Variants in CLCA2 observed in about 807,000 individuals in gnomAD.
The protein encoded by CLCA2 is chloride channel accessory 2.
A neutral mutation model predicts 82.9 loss-of-function variants in CLCA2; 85 were observed. That is an observed-to-expected ratio of 1.03 (90% CI 0.86 to 1.23). CLCA2 has a LOEUF of 1.23. Among genes scored for constraint, CLCA2 ranks in the 50% most tolerant of loss-of-function variants. CLCA2 has a pLI of 0.00. For missense variants in CLCA2, 1,089 were observed against 1,124.8 expected, an observed-to-expected ratio of 0.97 and a Z score of 0.45; for synonymous variants, 421 against 391.7, an observed-to-expected ratio of 1.07 and a Z score of -0.88.
At chr1:86,438,043 T>C (rs1662649895) in intron 6 of CLCA2, among the ~76,000 whole-genome samples, 1 of 152,202 alleles carries the variant, frequency 6.6e-6, no homozygotes, top group African/African-American at 2.4e-5. Flanking sequence ...AGTTGCCATC[T>C]TCATGGTTGT....
intron 6 of CLCA2, among the ~76,000 whole-genome samples, chr1:86,437,802 T>C (rs1156616222): frequency 6.7e-6 from 1 of 149,370 alleles, no homozygotes; most frequent in Non-Finnish European, 1.5e-5. Context: ...GAGATCAAGA[T>C]TGGGAGTGAT....
chr1:86,434,620 G>T lies in CLCA2; in HGVS notation c.847G>T (p.Ala283Ser), dbSNP rs1161315518. ...TGCATGGGATGTAATCACAGACTCT[G>T]CTGACTTTCACCACAGCTTTCCCAT... is the stretch of plus-strand genomic sequence containing the variant. ...RSAWDVITDS[A>S]DFHHSFPMNG... is the part of the protein sequence containing the mutation. The change falls in exon 6 of 14, where the codon GCT becomes TCT. Residue 283 changes from alanine to serine, a missense_variant. By Grantham distance (99) the Ala-to-Ser change is moderately conservative. Coordinates refer to ENST00000370565, the MANE Select transcript of CLCA2 (RefSeq NM_006536.7). 1.2e-6 allele frequency: 2 copies of T among 1,614,082 alleles called. No homozygotes were observed. Among genetic ancestry groups the T allele is most frequent in the Non-Finnish European group, 1.7e-6 (2 of 1,179,984 alleles).
chr1:86,449,975 T>A (rs896866262), intron 11 of CLCA2, among the ~76,000 whole-genome samples: 1 of 152,120 alleles, frequency 6.6e-6, no homozygotes, highest in Non-Finnish European at 1.5e-5. Context: ...GCTACCAAAT[T>A]CTGTCAAACT....
rs1246890467 is a variant in CLCA2 at position 86,428,428 on chromosome 1, T to C, written c.335T>C (p.Ile112Thr). 5 of 1,600,140 alleles carry C rather than the reference T, an allele frequency of 3.1e-6. No homozygotes were observed. The highest frequency in any genetic ancestry group is 4.3e-6 in the Non-Finnish European group (5 of 1,173,832). Residue 112 changes from isoleucine (I) to threonine (T), a missense_variant, in exon 3 of 14, where the codon ATA becomes ACA. By Grantham distance (89) the Ile-to-Thr change is moderately conservative (BLOSUM62 -1). Transcript: ENST00000370565. ...TTTCTTTTAATTTAGGCAAATGTCA[T>C]AGTGACTGACTGGTATGGGGCACAT... is the stretch of plus-strand genomic sequence containing the variant. ...KQESYEKANV[I>T]VTDWYGAHGD...
chr1:86,448,086 T>A, intron 11 of CLCA2: 1 of 346,054 alleles, frequency 2.9e-6, no homozygotes, highest in Admixed American at 4.4e-5. Flanking sequence ...TATGTCCTTA[T>A]GACATACTTA....
At chr1:86,448,987 A>G (rs1266189647) in intron 11 of CLCA2, among the ~76,000 whole-genome samples, 1 of 152,228 alleles carries the variant, frequency 6.6e-6, no homozygotes, top group Non-Finnish European at 1.5e-5. Context: ...TGGCTTTTAT[A>G]TTATTCCTTG....
intron 8 of CLCA2, among the ~76,000 whole-genome samples, 179 bp from the exon 9 acceptor site, chr1:86,441,258 G>A (rs1052121361): frequency 6.6e-5 from 10 of 152,062 alleles, no homozygotes; most frequent in East Asian, 1.9e-4. Context: ...GAAACCACTC[G>A]CCTAGGGCCA....
rs373354990 is a variant in CLCA2, at chr1:86,450,571, G to A, written c.1993G>A (p.Val665Ile). 2 of 1,611,738 alleles carry A rather than the reference G, an allele frequency of 1.2e-6. No homozygotes were observed. Among genetic ancestry groups the A allele is most frequent in the East Asian group, 2.2e-5 (1 of 44,812 alleles). Residue 665 changes from valine (V) to isoleucine (I), a missense_variant, in exon 12 of 14, where the codon GTT becomes ATT. Transcript: ENST00000370565. Reference protein sequence around the residue: ...RLLDDGAGADVIKNDGIYSRY... With the variant: ...RLLDDGAGADIIKNDGIYSRY... The stretch of plus-strand genomic sequence containing the variant: ...GTTTTTTATATATACAGGTGCTGAT[G>A]TTATAAAAAATGATGGAATTTACTC...
intron 13 of CLCA2, among the ~76,000 whole-genome samples, 165 bp from the exon 14 acceptor site, chr1:86,454,920 G>T (rs1663043221): frequency 6.7e-6 from 1 of 149,874 alleles, no homozygotes; most frequent in Non-Finnish European, 1.5e-5. Flanking sequence ...ATTTTAATAT[G>T]AGTCCTTGTG....
intron 13 of CLCA2, 23 bp from the exon 14 acceptor site, chr1:86,455,062 C>T: frequency 7.4e-6 from 10 of 1,354,128 alleles, no homozygotes; most frequent in South Asian, 6.5e-5. Context: ...CTTAATTTTC[C>T]TATTTATATT....
At chr1:86,451,333 A>G (rs547232848) in intron 12 of CLCA2, among the ~76,000 whole-genome samples, 64 of 152,344 alleles carry the variant, frequency 4.2e-4, no homozygotes, top group African/African-American at 1.5e-3. Flanking sequence ...ATATCATGCT[A>G]CAGTCTTTGA....
chr1:86,425,327 G>A lies in CLCA2; in HGVS notation c.187-12G>A, dbSNP rs1486693286. On this transcript the variant is annotated splice_polypyrimidine_tract_variant and intron_variant, in intron 1 of 13. Coordinates refer to ENST00000370565, the MANE Select transcript of CLCA2 (RefSeq NM_006536.7). ...AAGTGGTAAAGTAAGTTTTTCTTTT[G>A]TCTGGCTGTAGGAAATGATAACTGA... 2 of 1,539,176 alleles carry A rather than the reference G, an allele frequency of 1.3e-6. No homozygotes were observed. The highest frequency in any genetic ancestry group is 2.6e-5 in the South Asian group (2 of 77,966).
At position 86,434,637 on chromosome 1, in the gene CLCA2, CTT is replaced by C. The variant is rs780107090; in HGVS notation, c.866_867del (p.Phe289SerfsTer6). Reference protein sequence around the residue: ...ITDSADFHHSFPMNGTELPPP... With the variant: ...ITDSADFHHSXPMNGTELPPP... ...CAGACTCTGCTGACTTTCACCACAGCTTTCCCATGAATGGGACTGAGCTTCCA... is the reference window on the plus strand; with the variant it reads ...CAGACTCTGCTGACTTTCACCACAGCTCCCATGAATGGGACTGAGCTTCCA... On this transcript the variant is annotated frameshift_variant, in exon 6 of 14. Coordinates refer to ENST00000370565, the MANE Select transcript of CLCA2 (RefSeq NM_006536.7). LOFTEE classifies it high-confidence loss of function. The C allele has an allele frequency of 2.0e-5, 33 of 1,613,996 alleles. No homozygotes were observed. The highest frequency in any genetic ancestry group is 2.8e-5 in the Non-Finnish European group (33 of 1,179,984).
intron 3 of CLCA2, 39 bp from the exon 4 acceptor site, chr1:86,430,823 A>G: frequency 6.7e-7 from 1 of 1,502,622 alleles, no homozygotes; most frequent in Non-Finnish European, 9.3e-7. Flanking sequence ...CATTGCTGAG[A>G]TTTTAGAAGC....
chr1:86,424,299 C>T lies in CLCA2; in HGVS notation c.52C>T (p.Leu18Phe). The T allele has an allele frequency of 6.2e-7, 1 of 1,613,938 alleles. No homozygotes were observed. Among genetic ancestry groups the T allele is most frequent in the Non-Finnish European group, 8.5e-7 (1 of 1,179,912 alleles). ...GPICNLKFVT[L>F]LVALSSELPF... Reference sequence around the variant, plus strand: ...TATTTGCAACCTGAAGTTTGTGACTCTCCTGGTTGCCTTAAGTTCAGAACT... The same window carrying T: ...TATTTGCAACCTGAAGTTTGTGACTTTCCTGGTTGCCTTAAGTTCAGAACT... Residue 18 changes from leucine (L) to phenylalanine (F), a missense_variant, in exon 1 of 14, where the codon CTC becomes TTC. Transcript: ENST00000370565.
intron 12 of CLCA2, among the ~76,000 whole-genome samples, chr1:86,453,137 C>G (rs1349900553): frequency 2.9e-4 from 44 of 152,154 alleles, no homozygotes; most frequent in Non-Finnish European, 1.5e-5. Context: ...TACACCACTG[C>G]ACTCCAGCCT....
intron 11 of CLCA2, among the ~76,000 whole-genome samples, chr1:86,448,673 T>C (rs768242248): frequency 6.6e-6 from 1 of 152,276 alleles, no homozygotes; most frequent in East Asian, 1.9e-4. Context: ...TTAAGTTTGG[T>C]AGCCCATCAG....
At chr1:86,445,286 G>A (rs1488992961) in intron 10 of CLCA2, 1 of 149,794 alleles carries the variant, frequency 6.7e-6, no homozygotes, top group East Asian at 2.0e-4. Flanking sequence ...CGATCCTTCT[G>A]AAGCACAAAT....
chr1:86,428,615 A>G, intron 3 of CLCA2, 47 bp downstream of exon 3: 1 of 1,585,946 alleles, frequency 6.3e-7, no homozygotes, highest in Non-Finnish European at 8.6e-7. Context: ...TACTACTTAT[A>G]ATATTCTGTG....
Sources: gnomAD v4.1 joint callset for allele counts (sites outside exome capture counted in the v4.1 genomes callset) on GRCh38, gnomAD v4.1.1 for gene constraint, MANE v1.5 for transcripts, NCBI Gene and HGNC (gene_info 2026-07-23, HGNC 2026-07-21) for gene names.